RNF145: variants seen among roughly 807,000 people sequenced by gnomAD.
RNF145 encodes ring finger protein 145.
RNF145 carries 12 observed loss-of-function variants against 57.3 expected under a neutral mutation model. The observed-to-expected ratio is 0.21, with a 90% confidence interval of 0.13 to 0.34. The LOEUF (loss-of-function observed/expected upper bound fraction) is 0.34, where lower values mean the gene tolerates loss of function less well. Ranked by LOEUF, RNF145 falls within the 10% of genes least tolerant of loss-of-function variation. The pLI is 1.00. For synonymous variants in RNF145, 262 were observed against 288.3 expected, an observed-to-expected ratio of 0.91 and a Z score of 0.92; for missense variants, 429 against 799.0, an observed-to-expected ratio of 0.54 and a Z score of 5.58.
chr5:159,174,054 C>A lies in RNF145; in HGVS notation c.726G>T (p.Gln242His), dbSNP rs1784640295. The A allele has an allele frequency of 6.2e-7, 1 of 1,613,610 alleles. No homozygotes were observed. The highest frequency in any genetic ancestry group is 8.5e-7 in the Non-Finnish European group (1 of 1,179,696). ...CTCGAGTACTGAAATAGGAGTAAAT[C>A]TGAAGAGCAAATAAGACGAGCCAGA... ...MVFWLVLFAL[Q>H]IYSYFSTRDQ... The change falls in exon 6 of 11, where the codon CAG becomes CAT. Residue 242 changes from glutamine (Q) to histidine (H), a missense_variant. Gln to His is a conservative substitution (Grantham distance 24). Coordinates refer to ENST00000424310, the MANE Select transcript of RNF145 (RefSeq NM_001199383.2).
chr5:159,173,408 T>C (rs1742078209), intron 6 of RNF145, among the ~76,000 whole-genome samples: 2 of 152,208 alleles, frequency 1.3e-5, no homozygotes, highest in South Asian at 4.1e-4. Flanking sequence ...TACCGGACTC[T>C]TTCTCGATAC....
intron 2 of RNF145, among the ~76,000 whole-genome samples, chr5:159,196,088 T>C (rs1438547829): frequency 6.6e-6 from 1 of 152,286 alleles, no homozygotes; most frequent in South Asian, 2.1e-4. Flanking sequence ...CACAGTATAC[T>C]ACCATCCTTC....
chr5:159,208,123 C>A (rs1050731462), intron 1 of RNF145: 3 of 1,436,280 alleles, frequency 2.1e-6, no homozygotes, highest in Middle Eastern at 2.6e-4. Flanking sequence ...CTCCCCGCAC[C>A]TCCTCCCACA....
rs781436065 is a variant in RNF145 at position 159,181,996 on chromosome 5, G to T, written c.349C>A (p.Pro117Thr). ...GTGGTAAACCGATTCATAGAGAGAGGTTCTAAATACATTGGTCCCTCATAG... is the reference window on the plus strand; with the variant it reads ...GTGGTAAACCGATTCATAGAGAGAGTTTCTAAATACATTGGTCCCTCATAG... The part of the protein sequence containing the change: ...FAYEGPMYLE[P>T]LSMNRFTTAL... The change falls in exon 4 of 11, where the codon CCT becomes ACT. Residue 117 changes from proline to threonine, a missense_variant. By Grantham distance (38) the Pro-to-Thr change is conservative. Coordinates refer to ENST00000424310, the MANE Select transcript of RNF145 (RefSeq NM_001199383.2). 4.3e-6 allele frequency: 7 copies of T among 1,609,196 alleles called. No individual in the cohort carries two copies. The highest frequency in any genetic ancestry group is 3.4e-6 in the Non-Finnish European group (4 of 1,176,120).
intron 8 of RNF145, among the ~76,000 whole-genome samples, chr5:159,166,378 T>C (rs1784394416): frequency 6.6e-6 from 1 of 152,262 alleles, no homozygotes; most frequent in South Asian, 2.1e-4. Context: ...TCATTAAATG[T>C]ATTAATCTTT....
rs956959364 is a variant in RNF145, at chr5:159,209,525, G to C, written c.-334C>G. 3.3e-4 allele frequency: 325 copies of C among 981,628 alleles called. No individual in the cohort carries two copies. The African/African-American group carries it at 4.0e-3, about 12-fold the overall frequency. 60.8% of individuals were successfully genotyped at this position (981,628 alleles called of 1,614,324 possible). Reference sequence around the variant, plus strand: ...GGCGTCGGCGGCCATGGCCTCCTGCGTTTGCTCCTCCCGCCCCCGGCGCTC... The same window carrying C: ...GGCGTCGGCGGCCATGGCCTCCTGCCTTTGCTCCTCCCGCCCCCGGCGCTC... On this transcript the variant is annotated 5_prime_UTR_variant, in exon 1 of 11. Transcript: ENST00000424310.
At chr5:159,196,229 G>GT (rs11360125) in intron 2 of RNF145, among the ~76,000 whole-genome samples, 5,058 of 129,032 alleles carry the variant, frequency 0.039, 109 homozygotes, top group East Asian at 0.092. Context: ...AATATTATGA[G>GT]TTTTTTTTTT....
chr5:159,163,544 CA>C, intron 8 of RNF145, among the ~76,000 whole-genome samples: 1 of 152,244 alleles, frequency 6.6e-6, no homozygotes, highest in East Asian at 1.9e-4. Context: ...CTCCAATGAG[CA>C]GGTATACTCA....
At chr5:159,197,870 T>C (rs1201661731) in intron 2 of RNF145, among the ~76,000 whole-genome samples, 1 of 152,140 alleles carries the variant, frequency 6.6e-6, no homozygotes, top group East Asian at 1.9e-4. Flanking sequence ...GGTGGGAGGA[T>C]CCCTTGAGCC....
At chr5:159,177,624 T>C (rs576049155) in intron 4 of RNF145, among the ~76,000 whole-genome samples, 36 of 152,166 alleles carry the variant, frequency 2.4e-4, no homozygotes, top group South Asian at 1.2e-3. Context: ...CATTATGACA[T>C]CCTTGTATAA....
chr5:159,175,112 A>AT (rs1252178343), intron 5 of RNF145, among the ~76,000 whole-genome samples: 1 of 152,192 alleles, frequency 6.6e-6, no homozygotes, highest in Non-Finnish European at 1.5e-5. Flanking sequence ...ATTATTCTAA[A>AT]TTTAAAATTC....
In RNF145 at chr5:159,161,744, G is replaced by C. The variant is rs1021482112; in HGVS notation, c.1270-122C>G. 6.7e-6 allele frequency: 4 copies of C among 600,062 alleles called. No individual in the cohort carries two copies. In the African/African-American group the frequency reaches 7.6e-5, roughly 11 times the overall value. The allele number at this position is 600,062 out of a possible 1,614,324, so 37.2% of individuals were successfully genotyped here. A position where few individuals can be genotyped will look rare whatever the true frequency, so the allele number is the denominator to read the frequency against. On this transcript the variant is annotated intron_variant, in intron 9 of 10. Coordinates refer to ENST00000424310, the MANE Select transcript of RNF145 (RefSeq NM_001199383.2). ...GGTGCAATATTTCAAATATACAGAA[G>C]AGTATCCAGGGGAAAAAAAAGTTTT...
chr5:159,209,929 C>A, upstream of RNF145: 1 of 1,534,056 alleles, frequency 6.5e-7, no homozygotes, highest in Non-Finnish European at 8.7e-7. Flanking sequence ...TGCGAGAATT[C>A]GTTTTAACCT....
Position 159,207,982 on chromosome 5 carries a change from G to A in RNF145, c.-40+1249C>T, listed in dbSNP as rs992788770. 31 of 1,570,862 alleles carry A rather than the reference G, an allele frequency of 2.0e-5. No individual in the cohort carries two copies. The African/African-American group carries it at 3.4e-4, about 17-fold the overall frequency. On this transcript the variant is annotated intron_variant, in intron 1 of 10. Transcript: ENST00000424310. ...AAGATTCAGTAAAACTGCACACTCC[G>A]TATTTTAAAAAATAAAAAGACACAC...
intron 3 of RNF145, among the ~76,000 whole-genome samples, chr5:159,189,508 T>C (rs1785211088): frequency 1.3e-5 from 2 of 152,228 alleles, no homozygotes; most frequent in African/African-American, 4.8e-5. Context: ...GGTAGAAATA[T>C]GAAACACTGC....
chr5:159,205,773 G>C (rs558415007), intron 1 of RNF145, among the ~76,000 whole-genome samples: 1 of 152,146 alleles, frequency 6.6e-6, no homozygotes, highest in African/African-American at 2.4e-5. Context: ...TAACAAGAGA[G>C]GGAGGAGCTA....
rs58247587 is a variant in RNF145 at position 159,190,681 on chromosome 5, CAAA to C, written c.293+4032_293+4034del. ...CTTGGTGACACAGTGACAACCATCT[CAAA>C]AAAAAAAAAAAAAAAAAAGATACTT... is the stretch of plus-strand genomic sequence containing the variant. On this transcript the variant is annotated intron_variant, in intron 3 of 10. Transcript: ENST00000424310. Among the ~76,000 whole-genome samples the C allele has an allele frequency of 5.6e-3, 491 of 87,268 alleles. 6 individuals are homozygous for C. Among genetic ancestry groups the C allele is most frequent in the African/African-American group, 0.018 (374 of 20,594 alleles). The allele number at this position is 87,268 out of a possible 152,430, so 57.3% of individuals were successfully genotyped here.
chr5:159,182,104 T>C, intron 3 of RNF145, 53 bp from the exon 4 acceptor site: 1 of 1,091,706 alleles, frequency 9.2e-7, no homozygotes, highest in Admixed American at 1.8e-5. Context: ...CCTAGCGGAA[T>C]CACAATATGC....
Position 159,158,504 on chromosome 5 carries a change from G to A in RNF145, c.*166C>T. The stretch of plus-strand genomic sequence containing the variant: ...CAAAATTTCTCCCACAATGTCAGGG[G>A]ATGAAAGCAGGTGGTCCCCACTGAG... On this transcript the variant is annotated 3_prime_UTR_variant, in exon 11 of 11. Coordinates refer to ENST00000424310, the MANE Select transcript of RNF145 (RefSeq NM_001199383.2). 2 of 791,338 alleles carry A rather than the reference G, an allele frequency of 2.5e-6. No individual in the cohort carries two copies. Among genetic ancestry groups the A allele is most frequent in the South Asian group, 1.9e-5 (1 of 53,152 alleles). 49.0% of individuals were successfully genotyped at this position (791,338 alleles called of 1,614,324 possible).
Sources: allele counts gnomAD v4.1 joint callset (sites outside exome capture counted in the v4.1 genomes callset), GRCh38; gene constraint gnomAD v4.1.1; transcripts MANE v1.5; gene names NCBI Gene and HGNC (gene_info 2026-07-23, HGNC 2026-07-21).